Variants in NSMCE2 observed in about 807,000 individuals in gnomAD.
NSMCE2 encodes NSE2 SUMO ligase component of SMC5/6 complex.
A neutral mutation model predicts 23.8 loss-of-function variants in NSMCE2; 24 were observed. That is an observed-to-expected ratio of 1.01 (90% CI 0.73 to 1.42). The LOEUF (loss-of-function observed/expected upper bound fraction) is 1.42, where lower values mean the gene tolerates loss of function less well. Among genes scored for constraint, NSMCE2 ranks in the 40% most tolerant of loss-of-function variants. The pLI, the probability that NSMCE2 is intolerant of heterozygous loss-of-function variation, is 0.00. For missense variants in NSMCE2, 284 were observed against 296.5 expected (o/e 0.96, Z 0.31); for synonymous variants, 92 against 94.1 (o/e 0.98, Z 0.13).
intron 4 of NSMCE2, among the ~76,000 whole-genome samples, chr8:125,179,274 G>T (rs571011046): frequency 2.0e-5 from 3 of 152,040 alleles, no homozygotes; most frequent in Non-Finnish European, 2.9e-5. Context: ...GAAGTTAAAG[G>T]CTACAGTAAA....
At chr8:125,250,327 TC>T (rs1316449542) in intron 5 of NSMCE2, among the ~76,000 whole-genome samples, 3 of 138,216 alleles carry the variant, frequency 2.2e-5, no homozygotes, top group East Asian at 4.2e-4. Flanking sequence ...ATAATGTTTT[TC>T]TTTTTAAAAA....
intron 5 of NSMCE2, among the ~76,000 whole-genome samples, chr8:125,265,377 G>C (rs553675569): frequency 6.6e-6 from 1 of 151,840 alleles, no homozygotes; most frequent in Non-Finnish European, 1.5e-5. Flanking sequence ...ATGCACCACT[G>C]TGCCCGGCTG....
chr8:125,275,161 C>A (rs1362267092), intron 5 of NSMCE2, among the ~76,000 whole-genome samples: 3 of 151,966 alleles, frequency 2.0e-5, no homozygotes, highest in East Asian at 3.9e-4. Context: ...ACTCTTCACA[C>A]CCCCCTTCCA....
At chr8:125,197,717 A>G (rs563198936) in intron 5 of NSMCE2, among the ~76,000 whole-genome samples, 3 of 152,242 alleles carry the variant, frequency 2.0e-5, no homozygotes, top group East Asian at 1.9e-4. Flanking sequence ...GTTTTTTCCA[A>G]TTCTTTGAAG....
chr8:125,253,741 G>A (rs1177897047), intron 5 of NSMCE2, among the ~76,000 whole-genome samples: 4 of 152,176 alleles, frequency 2.6e-5, no homozygotes, highest in Admixed American at 6.5e-5. Flanking sequence ...AAATGAAGTC[G>A]TATAGGCAGC....
At chr8:125,124,689 G>A (rs1308146391) in intron 3 of NSMCE2, among the ~76,000 whole-genome samples, 2 of 152,076 alleles carry the variant, frequency 1.3e-5, no homozygotes, top group African/African-American at 4.8e-5. Context: ...TGTTGGATTG[G>A]CTGGTCATGA....
At chr8:125,127,798 A>G (rs1483298722) in intron 3 of NSMCE2, among the ~76,000 whole-genome samples, 1 of 152,220 alleles carries the variant, frequency 6.6e-6, no homozygotes, top group Non-Finnish European at 1.5e-5. Flanking sequence ...GAATATTTAC[A>G]TATACATAAT....
At chr8:125,170,161 A>T (rs554314276) in intron 4 of NSMCE2, among the ~76,000 whole-genome samples, 7 of 151,842 alleles carry the variant, frequency 4.6e-5, no homozygotes, top group Middle Eastern at 3.2e-3. Flanking sequence ...CTTCATTTTC[A>T]CTTTATTTCA....
intron 7 of NSMCE2, among the ~76,000 whole-genome samples, chr8:125,359,247 C>G (rs1813419367): frequency 7.2e-6 from 1 of 138,296 alleles, no homozygotes; most frequent in Admixed American, 7.7e-5. Flanking sequence ...GCCTGGGTCA[C>G]AGAGTGATAC....
At chr8:125,231,338 T>A (rs1197174534) in intron 5 of NSMCE2, among the ~76,000 whole-genome samples, 1 of 152,216 alleles carries the variant, frequency 6.6e-6, no homozygotes, top group Non-Finnish European at 1.5e-5. Context: ...CATCAGTGAG[T>A]TCACAGTCTA....
At chr8:125,102,629 C>T (rs539275580) in intron 3 of NSMCE2, 142 bp downstream of exon 3, 11 of 651,350 alleles carry the variant, frequency 1.7e-5, no homozygotes, top group South Asian at 1.9e-5. Context: ...TTCTACACAC[C>T]GCAGCAGGGT....
rs141447682 is a variant in NSMCE2 at position 125,235,659 on chromosome 8, A to T, written c.418+53403A>T. Among the ~76,000 whole-genome samples the T allele has an allele frequency of 4.0e-3, 616 of 152,354 alleles. 4 individuals are homozygous for T. Among genetic ancestry groups the T allele is most frequent in the Non-Finnish European group, 5.7e-3 (385 of 68,034 alleles). On this transcript the variant is annotated intron_variant, in intron 5 of 7. Transcript: ENST00000287437. ...GAAATCTTTCCATGTCAGTGAATAC[A>T]AAGAATTGTGTTTAAATATACCTTT...
intron 3 of NSMCE2, among the ~76,000 whole-genome samples, chr8:125,148,746 C>A (rs541415373): frequency 6.6e-6 from 1 of 152,128 alleles, no homozygotes; most frequent in Non-Finnish European, 1.5e-5. Flanking sequence ...ACAATACTTT[C>A]CTTTAACTAG....
chr8:125,339,256 T>C (rs1366254207), intron 5 of NSMCE2, among the ~76,000 whole-genome samples: 1 of 152,116 alleles, frequency 6.6e-6, no homozygotes, highest in Non-Finnish European at 1.5e-5. Flanking sequence ...CCCACACTGC[T>C]TGGGACGGTC....
intron 4 of NSMCE2, among the ~76,000 whole-genome samples, chr8:125,157,518 G>A (rs560084463): frequency 1.3e-5 from 2 of 152,210 alleles, no homozygotes; most frequent in East Asian, 1.9e-4. Context: ...CTTCTATTTC[G>A]GTGGTTTAGA....
chr8:125,149,949 G>A (rs1161704613), intron 3 of NSMCE2, among the ~76,000 whole-genome samples: 1 of 152,056 alleles, frequency 6.6e-6, no homozygotes, highest in Non-Finnish European at 1.5e-5. Context: ...GATTAAGAGT[G>A]CCTTCTCCAG....
At chr8:125,214,665 CCA>C (rs1158832810) in intron 5 of NSMCE2, among the ~76,000 whole-genome samples, 4 of 152,126 alleles carry the variant, frequency 2.6e-5, no homozygotes, top group African/African-American at 9.7e-5. Flanking sequence ...CCCCTACACA[CCA>C]GTTTCCCCTA....
chr8:125,299,515 A>G (rs779204496), intron 5 of NSMCE2, among the ~76,000 whole-genome samples: 28 of 152,168 alleles, frequency 1.8e-4, no homozygotes, highest in Non-Finnish European at 2.2e-4. Context: ...CTCACTCACT[A>G]TGATAGGAAC....
chr8:125,153,252 C>A (rs1358745026), intron 4 of NSMCE2, among the ~76,000 whole-genome samples: 2 of 152,100 alleles, frequency 1.3e-5, no homozygotes, highest in Admixed American at 1.3e-4. Context: ...CAGCCCTAAC[C>A]TCACACTAGA....
Sources: allele counts gnomAD v4.1 joint callset (sites outside exome capture counted in the v4.1 genomes callset), GRCh38; gene constraint gnomAD v4.1.1; transcripts MANE v1.5; gene names NCBI Gene and HGNC (gene_info 2026-07-23, HGNC 2026-07-21).